TEAD1: variants seen among roughly 807,000 people sequenced by gnomAD.
The protein encoded by TEAD1 is transcriptional enhancer factor TEF-1.
In TEAD1, 9 loss-of-function variants were observed where a neutral mutation model predicts 54.9. The observed-to-expected ratio is 0.16, with a 90% CI of 0.10 to 0.29. The LOEUF (loss-of-function observed/expected upper bound fraction) is 0.29, where lower values mean the gene tolerates loss of function less well. Ranked by LOEUF, TEAD1 falls within the 10% of genes least tolerant of loss-of-function variation. The pLI is 1.00. For missense variants in TEAD1, 387 were observed against 535.9 expected (o/e 0.72, Z 2.74); for synonymous variants, 200 against 187.8 (o/e 1.07, Z -0.53).
At chr11:12,853,297 G>A (rs889926425) in intron 3 of TEAD1, among the ~76,000 whole-genome samples, 9 of 152,084 alleles carry the variant, frequency 5.9e-5, no homozygotes, top group South Asian at 2.1e-4. Flanking sequence ...GGTGGTGGTC[G>A]TGGTGGTGGT....
intron 3 of TEAD1, among the ~76,000 whole-genome samples, chr11:12,845,427 C>T (rs915258174): frequency 8.5e-5 from 13 of 152,304 alleles, no homozygotes; most frequent in Admixed American, 5.9e-4. Flanking sequence ...AAGTGTTAGT[C>T]TAGCACAGGA....
In TEAD1 at chr11:12,675,483, T is replaced by C. The variant is rs1388303973; in HGVS notation, c.-133T>C. Reference sequence around the variant, plus strand: ...AATTTTCAGGAGTCAGCAGAAACATTGTGTCCAAAAAAGACTGAGTCGCAG... The same window carrying C: ...AATTTTCAGGAGTCAGCAGAAACATCGTGTCCAAAAAAGACTGAGTCGCAG... On this transcript the variant is annotated 5_prime_UTR_variant, in exon 2 of 13. Transcript: ENST00000527636. 1.3e-5 allele frequency: 2 copies of C among 152,378 alleles called. No homozygotes were observed. Among genetic ancestry groups the C allele is most frequent in the East Asian group, 1.9e-4 (1 of 5,178 alleles). 9.4% of individuals were successfully genotyped at this position (152,378 alleles called of 1,614,324 possible). A position where few individuals can be genotyped will look rare whatever the true frequency, so the allele number is the denominator to read the frequency against.
At chr11:12,703,036 C>T (rs576647666) in intron 2 of TEAD1, among the ~76,000 whole-genome samples, 1 of 152,318 alleles carries the variant, frequency 6.6e-6, no homozygotes, top group South Asian at 2.1e-4. Context: ...CTCCAGGTTA[C>T]TTGTTCTGAG....
At chr11:12,739,820 G>GT (rs1485024567) in intron 2 of TEAD1, among the ~76,000 whole-genome samples, 3 of 152,154 alleles carry the variant, frequency 2.0e-5, no homozygotes, top group Non-Finnish European at 4.4e-5. Context: ...AAGAACACCT[G>GT]TATCTACTCC....
chr11:12,853,398 A>T lies in TEAD1; in HGVS notation c.203-8852A>T, dbSNP rs1412262051. Among the ~76,000 whole-genome samples the T allele has an allele frequency of 5.3e-5, 8 of 152,144 alleles. No homozygotes were observed. In the South Asian group the frequency reaches 1.2e-3, roughly 24 times the overall value. On this transcript the variant is annotated intron_variant, in intron 3 of 12. Transcript: ENST00000527636. Reference sequence around the variant, plus strand: ...TATTCCTTTAGATGTGGGCAGTAGGAGCCTTGGAAGGTCTTATAACTGAGA... The same window carrying T: ...TATTCCTTTAGATGTGGGCAGTAGGTGCCTTGGAAGGTCTTATAACTGAGA...
At chr11:12,875,696 ATAGG>A (rs767802621) in intron 5 of TEAD1, among the ~76,000 whole-genome samples, 1 of 152,188 alleles carries the variant, frequency 6.6e-6, no homozygotes, top group Non-Finnish European at 1.5e-5. Flanking sequence ...CTATTCTCAA[ATAGG>A]TAGGTCAAGT....
chr11:12,675,673 A>G (rs766120809), intron 2 of TEAD1, 112 bp downstream of exon 2: 2 of 152,242 alleles, frequency 1.3e-5, no homozygotes, highest in Non-Finnish European at 2.9e-5. Context: ...CTTGTTTTCA[A>G]AAGTCCAGAG....
chr11:12,677,839 A>G (rs188245681), intron 2 of TEAD1, among the ~76,000 whole-genome samples: 2 of 152,334 alleles, frequency 1.3e-5, no homozygotes, highest in Admixed American at 6.5e-5. Context: ...TGGTCATACA[A>G]GAGCCTGGGC....
chr11:12,837,736 C>CT (rs1564958311), intron 3 of TEAD1, among the ~76,000 whole-genome samples: 67 of 140,014 alleles, frequency 4.8e-4, no homozygotes, highest in African/African-American at 1.7e-3. Context: ...TCTTCTCCTC[C>CT]TCCTTCTTCT....
chr11:12,864,622 GT>G, intron 4 of TEAD1: 1 of 948,866 alleles, frequency 1.1e-6, no homozygotes. Context: ...TTCCTTTTTT[GT>G]TTTGTTTTGT....
At chr11:12,694,322 A>G (rs538429331) in intron 2 of TEAD1, among the ~76,000 whole-genome samples, 31 of 152,222 alleles carry the variant, frequency 2.0e-4, no homozygotes, top group Middle Eastern at 3.4e-3. Context: ...CGAGAGAACA[A>G]ACTAACACAC....
At chr11:12,778,516 G>C (rs920594576) in intron 3 of TEAD1, among the ~76,000 whole-genome samples, 4 of 149,426 alleles carry the variant, frequency 2.7e-5, no homozygotes, top group South Asian at 4.2e-4. Context: ...TCCATTAAAG[G>C]CCTCATCAGA....
At chr11:12,680,777 G>T (rs1013250243) in intron 2 of TEAD1, among the ~76,000 whole-genome samples, 1 of 152,220 alleles carries the variant, frequency 6.6e-6, no homozygotes, top group African/African-American at 2.4e-5. Context: ...CACAGTAGCT[G>T]CCCCACATGC....
At chr11:12,745,157 G>A (rs751673121) in intron 2 of TEAD1, among the ~76,000 whole-genome samples, 16 of 152,176 alleles carry the variant, frequency 1.1e-4, no homozygotes, top group South Asian at 2.1e-4. Context: ...GACCAGGCAC[G>A]CTGAACAAGC....
intron 2 of TEAD1, among the ~76,000 whole-genome samples, chr11:12,719,651 A>G (rs1414027856): frequency 6.6e-6 from 1 of 152,076 alleles, no homozygotes; most frequent in Admixed American, 6.6e-5. Flanking sequence ...GAAAAAGACA[A>G]CCAAGGCTGA....
intron 7 of TEAD1, among the ~76,000 whole-genome samples, chr11:12,881,544 G>C (rs537606428): frequency 4.7e-4 from 71 of 152,332 alleles, no homozygotes; most frequent in African/African-American, 1.6e-3. Context: ...AAAAAAACTT[G>C]CATTGTTTGG....
At chr11:12,748,977 C>G (rs1349152306) in intron 2 of TEAD1, among the ~76,000 whole-genome samples, 2 of 152,102 alleles carry the variant, frequency 1.3e-5, no homozygotes, top group African/African-American at 4.8e-5. Context: ...GCCAGTTTAC[C>G]TGAGAAACAT....
chr11:12,897,553 C>T (rs542016988), intron 9 of TEAD1, among the ~76,000 whole-genome samples: 3 of 152,324 alleles, frequency 2.0e-5, no homozygotes, highest in African/African-American at 7.2e-5. Flanking sequence ...GTCACCACCT[C>T]TTGGCAGCAG....
intron 10 of TEAD1, among the ~76,000 whole-genome samples, chr11:12,922,156 A>C (rs2919335): frequency 1.0e-4 from 15 of 149,284 alleles, no homozygotes; most frequent in Non-Finnish European, 2.1e-4. Context: ...TTCTTGGCAC[A>C]TAAGGTGAAA....
Sources: gnomAD v4.1 joint callset for allele counts (sites outside exome capture counted in the v4.1 genomes callset) on GRCh38, gnomAD v4.1.1 for gene constraint, MANE v1.5 for transcripts, NCBI Gene and HGNC (gene_info 2026-07-23, HGNC 2026-07-21) for gene names.